The following SOX5 variants were observed in gnomAD, a reference collection of about 807,000 sequenced individuals.
SOX5 encodes the protein transcription factor SOX-5.
In SOX5, 9 loss-of-function variants were observed where a neutral mutation model predicts 92.0. The observed-to-expected ratio is 0.10, with a 90% confidence interval of 0.06 to 0.17. The LOEUF (loss-of-function observed/expected upper bound fraction) is 0.17. Among genes scored for constraint, SOX5 ranks in the 10% least tolerant of loss-of-function variants. SOX5 has a pLI of 1.00. For missense variants in SOX5, 642 were observed against 944.5 expected (o/e 0.68, Z 4.20); for synonymous variants, 344 against 336.3 (o/e 1.02, Z -0.25).
chr12:24,412,523 T>A (rs778839803), intron 1 of SOX5, among the ~76,000 whole-genome samples: 22 of 152,170 alleles, frequency 1.4e-4, no homozygotes, highest in Non-Finnish European at 2.8e-4. Context: ...CCCTTGAGAC[T>A]TTCTTTGTTA....
intron 1 of SOX5, among the ~76,000 whole-genome samples, chr12:24,491,909 G>A (rs1436701795): frequency 6.6e-6 from 1 of 151,924 alleles, no homozygotes; most frequent in Non-Finnish European, 1.5e-5. Context: ...GGTAAACTAC[G>A]AGCCAGCAGG....
At chr12:23,833,361 C>T (rs533550008) in intron 3 of SOX5, among the ~76,000 whole-genome samples, 2 of 152,064 alleles carry the variant, frequency 1.3e-5, no homozygotes, top group South Asian at 2.1e-4. Flanking sequence ...GTCTCCCATA[C>T]CAGCTCTATT....
At chr12:23,766,321 T>C (rs577485680) in intron 3 of SOX5, among the ~76,000 whole-genome samples, 1 of 152,254 alleles carries the variant, frequency 6.6e-6, no homozygotes, top group East Asian at 1.9e-4. Flanking sequence ...AATCAATTAG[T>C]TCAACATACA....
At chr12:24,191,375 G>A (rs745883064) in intron 4 of SOX5, among the ~76,000 whole-genome samples, 4 of 152,112 alleles carry the variant, frequency 2.6e-5, no homozygotes, top group Admixed American at 6.5e-5. Context: ...TTTAATCTGC[G>A]TTGAGGATTT....
intron 6 of SOX5, among the ~76,000 whole-genome samples, chr12:23,697,675 C>T (rs577445250): frequency 8.5e-5 from 13 of 152,212 alleles, no homozygotes; most frequent in South Asian, 4.1e-4. Flanking sequence ...CTCAGCCTCA[C>T]GAGCAGCTGG....
chr12:24,118,983 C>A (rs957328459), intron 4 of SOX5, among the ~76,000 whole-genome samples: 4 of 152,028 alleles, frequency 2.6e-5, no homozygotes, highest in Non-Finnish European at 4.4e-5. Flanking sequence ...AATGATATAT[C>A]TTTAGAAGTA....
chr12:23,769,340 G>A (rs1380544841), intron 3 of SOX5, among the ~76,000 whole-genome samples: 2 of 151,340 alleles, frequency 1.3e-5, no homozygotes, highest in Non-Finnish European at 2.9e-5. Context: ...ATAATGATCA[G>A]TGAAGTTTCA....
rs182907659 is a variant in SOX5 at position 24,341,956 on chromosome 12, C to G, written c.-174+26607G>C. Among the ~76,000 whole-genome samples the G allele has an allele frequency of 1.2e-4, 18 of 152,292 alleles. 1 individual carries two copies. Among genetic ancestry groups the G allele is most frequent in the Admixed American group, 8.5e-4 (13 of 15,294 alleles). ...GCTTCTGGCTACTGATAGTCTCCAT[C>G]TTAACTAATCCCCAGTATTAAATCC... is the stretch of plus-strand genomic sequence containing the variant. On this transcript the variant is annotated intron_variant, in intron 2 of 4. Coordinates refer to the SOX5 transcript ENST00000446891.
At chr12:24,259,788 T>C (rs1199409586) in intron 3 of SOX5, among the ~76,000 whole-genome samples, 1 of 152,208 alleles carries the variant, frequency 6.6e-6, no homozygotes, top group Non-Finnish European at 1.5e-5. Context: ...AGAATTTCTA[T>C]AGTCGGTGGG....
intron 2 of SOX5, among the ~76,000 whole-genome samples, chr12:24,362,224 G>A (rs903856416): frequency 2.1e-4 from 32 of 152,264 alleles, no homozygotes; most frequent in African/African-American, 7.5e-4. Context: ...TTAAAAGTAC[G>A]TTACAGAAGT....
At chr12:23,591,568 C>G (rs140574348) in intron 9 of SOX5, among the ~76,000 whole-genome samples, 45 of 152,206 alleles carry the variant, frequency 3.0e-4, no homozygotes, top group African/African-American at 1.0e-3. Context: ...TAGAGGTTCT[C>G]TTAAAATGGG....
chr12:24,389,519 T>C (rs1045116401), intron 1 of SOX5, among the ~76,000 whole-genome samples: 2 of 152,196 alleles, frequency 1.3e-5, no homozygotes, highest in Non-Finnish European at 2.9e-5. Context: ...ACCCATCACC[T>C]AGGTATTAAC....
chr12:24,077,372 T>C (rs1328045236), intron 4 of SOX5, among the ~76,000 whole-genome samples: 2 of 152,142 alleles, frequency 1.3e-5, no homozygotes, highest in African/African-American at 2.4e-5. Flanking sequence ...ATTCTTACGA[T>C]ACTCCATGTT....
chr12:23,898,415 G>A (rs2097198578), intron 1 of SOX5, among the ~76,000 whole-genome samples: 1 of 152,140 alleles, frequency 6.6e-6, no homozygotes. Context: ...GCCAGTTTCT[G>A]AGTCATGAAA....
At chr12:24,509,722 T>A (rs1359957061) in intron 1 of SOX5, among the ~76,000 whole-genome samples, 4 of 152,212 alleles carry the variant, frequency 2.6e-5, no homozygotes, top group South Asian at 4.1e-4. Context: ...AGGCCTTCAC[T>A]TGTATTTGTG....
At chr12:24,019,621 A>C (rs893562709) in intron 4 of SOX5, among the ~76,000 whole-genome samples, 1 of 152,180 alleles carries the variant, frequency 6.6e-6, no homozygotes, top group Non-Finnish European at 1.5e-5. Flanking sequence ...ATGAAGAGTC[A>C]ATTTCTCCTA....
At position 24,412,181 on chromosome 12, in the gene SOX5, T is replaced by C. The variant is rs79373899; in HGVS notation, c.-250-43542A>G. 4.5e-3 allele frequency among the ~76,000 whole-genome samples: 685 copies of C among 152,302 alleles called. 11 individuals are homozygous for C. The East Asian group carries it at 0.051, about 11-fold the overall frequency. On this transcript the variant is annotated intron_variant, in intron 1 of 4. Transcript: ENST00000446891. ...TACTGATATCGATAACTTGTGTTTT[T>C]TCTGTTTTTACTCTGTTAGTCTTAC... is the stretch of plus-strand genomic sequence containing the variant.
chr12:24,557,189 A>C (rs1420805605), intron 1 of SOX5, among the ~76,000 whole-genome samples: 1 of 152,104 alleles, frequency 6.6e-6, no homozygotes, highest in African/African-American at 2.4e-5. Context: ...GGAGATCGAG[A>C]CCACTCTGAC....
chr12:24,423,482 T>G (rs992551912), intron 1 of SOX5, among the ~76,000 whole-genome samples: 1 of 152,230 alleles, frequency 6.6e-6, no homozygotes, highest in Non-Finnish European at 1.5e-5. Context: ...AGACGGGTTT[T>G]CATGCTTTCT....
Sources: gnomAD v4.1 joint callset for allele counts (sites outside exome capture counted in the v4.1 genomes callset) on GRCh38, gnomAD v4.1.1 for gene constraint, MANE v1.5 for transcripts, NCBI Gene and HGNC (gene_info 2026-07-23, HGNC 2026-07-21) for gene names.